Variants in PDE3B observed in about 807,000 individuals in gnomAD.
PDE3B encodes the protein phosphodiesterase 3B.
A neutral mutation model predicts 116.8 loss-of-function variants in PDE3B; 66 were observed. The observed-to-expected ratio is 0.56, with a 90% CI of 0.46 to 0.69. PDE3B has a LOEUF of 0.69. PDE3B is among the 30% of genes least tolerant of loss of function. PDE3B has a pLI of 0.00. For missense variants in PDE3B, 1,384 were observed against 1,368.1 expected (o/e 1.01, Z -0.18); for synonymous variants, 595 against 533.6 (o/e 1.12, Z -1.59).
chr11:14,843,924 T>A lies in PDE3B; in HGVS notation c.2418T>A (p.Ile806=). The A allele has an allele frequency of 6.2e-7, 1 of 1,614,080 alleles. No individual in the cohort carries two copies. Among genetic ancestry groups the A allele is most frequent in the Non-Finnish European group, 8.5e-7 (1 of 1,179,936 alleles). ...GTTATGGCTGCCTGTCTTCAAACAT[T>A]CCTGCATTAGAATTGATGGCTCTAT... ...DESYGCLSSN[I]PALELMALYV... The change falls in exon 12 of 16, where the codon ATT becomes ATA. Residue 806 remains isoleucine (I), a synonymous_variant. Transcript: ENST00000282096.
At chr11:14,838,338 C>G (rs1261541960) in intron 11 of PDE3B, among the ~76,000 whole-genome samples, 1 of 152,106 alleles carries the variant, frequency 6.6e-6, no homozygotes, top group Non-Finnish European at 1.5e-5. Context: ...AACCCAATGT[C>G]TGATCCTGAA....
the PDE3B span, chr11:14,892,163 C>G: frequency 6.2e-7 from 1 of 1,610,634 alleles, no homozygotes; most frequent in South Asian, 1.1e-5. Flanking sequence ...AGCGCGCCGC[C>G]GAGCGCCGCC....
chr11:14,827,871 A>G (rs1452922882), intron 7 of PDE3B, among the ~76,000 whole-genome samples: 1 of 152,230 alleles, frequency 6.6e-6, no homozygotes, highest in Non-Finnish European at 1.5e-5. Flanking sequence ...AATCCTAAGC[A>G]AAAAGAACAA....
chr11:14,756,799 C>CTT (rs995432439), intron 1 of PDE3B, among the ~76,000 whole-genome samples: 6 of 78,308 alleles, frequency 7.7e-5, no homozygotes, highest in African/African-American at 2.3e-4. Context: ...ATTTTAAGTG[C>CTT]TTATTTTTTT....
intron 1 of PDE3B, among the ~76,000 whole-genome samples, chr11:14,714,214 A>G (rs181757073): frequency 6.6e-6 from 1 of 151,248 alleles, no homozygotes; most frequent in East Asian, 1.9e-4. Context: ...TAGTCAGAAA[A>G]AAAGACCGTA....
In PDE3B at chr11:14,847,084, T is replaced by C. The variant is rs182423752; in HGVS notation, c.2520+3058T>C. 2.6e-3 allele frequency among the ~76,000 whole-genome samples: 396 copies of C among 152,290 alleles called. 1 individual carries two copies. The highest frequency in any genetic ancestry group is 9.0e-3 in the African/African-American group (374 of 41,564). Reference sequence around the variant, plus strand: ...TCCTATTCCAAAATTGACCATATAGTTGGAAGTAAAGCTCTCCTCAGCAAA... The same window carrying C: ...TCCTATTCCAAAATTGACCATATAGCTGGAAGTAAAGCTCTCCTCAGCAAA... On this transcript the variant is annotated intron_variant, in intron 12 of 15. Coordinates refer to ENST00000282096, the MANE Select transcript of PDE3B (RefSeq NM_000922.4).
At chr11:14,770,449 T>C (rs939463708) in intron 1 of PDE3B, among the ~76,000 whole-genome samples, 1 of 151,540 alleles carries the variant, frequency 6.6e-6, no homozygotes, top group Non-Finnish European at 1.5e-5. Context: ...ATATCATGTA[T>C]AAAAGAAACT....
intron 1 of PDE3B, among the ~76,000 whole-genome samples, chr11:14,759,237 G>T (rs1197127941): frequency 4.6e-5 from 7 of 151,868 alleles, no homozygotes; most frequent in South Asian, 2.1e-4. Context: ...TCTCTTTTTT[G>T]GTTGTGTCTC....
chr11:14,762,774 C>A (rs1857396279), intron 1 of PDE3B, among the ~76,000 whole-genome samples: 1 of 152,092 alleles, frequency 6.6e-6, no homozygotes, highest in Admixed American at 6.6e-5. Flanking sequence ...ATATTCTGTA[C>A]ATATTATGAA....
At chr11:14,805,423 A>T (rs554577629) in intron 5 of PDE3B, among the ~76,000 whole-genome samples, 16 of 152,102 alleles carry the variant, frequency 1.1e-4, no homozygotes, top group Non-Finnish European at 2.1e-4. Flanking sequence ...AGGAATAAAA[A>T]TTTTTTTTAG....
chr11:14,843,825 A>G lies in PDE3B; in HGVS notation c.2321-2A>G. On this transcript the variant is annotated splice_acceptor_variant, in intron 11 of 15. Transcript: ENST00000282096. LOFTEE classifies it high-confidence loss of function. ...TTTATTTTGCTATTTATTGTTTCTC[A>G]GATTCTGATGGTAGAATTAACCATG... 6.2e-7 allele frequency: 1 copy of G among 1,611,878 alleles called. No homozygotes were observed. Among genetic ancestry groups the G allele is most frequent in the Non-Finnish European group, 8.5e-7 (1 of 1,177,968 alleles).
Position 14,869,615 on chromosome 11 carries a change from A to G in PDE3B, c.3294A>G (p.Gln1098=), listed in dbSNP as rs782267227. ...KLQVENSSLP[Q]ADEIQVIEEA... is the part of the protein sequence containing the mutation. ...AGGTGGAGAATTCCTCCTTACCTCA[A>G]GCAGATGAGATTCAGGTAATTGAAG... The change falls in exon 16 of 16, where the codon CAA becomes CAG. Residue 1098 remains glutamine, a synonymous_variant. Coordinates refer to ENST00000282096, the MANE Select transcript of PDE3B (RefSeq NM_000922.4). 5 of 1,613,980 alleles carry G rather than the reference A, an allele frequency of 3.1e-6. No individual in the cohort carries two copies. Among genetic ancestry groups the G allele is most frequent in the Non-Finnish European group, 4.2e-6 (5 of 1,179,962 alleles).
At position 14,846,404 on chromosome 11, in the gene PDE3B, A is replaced by G. The variant is rs1013594305; in HGVS notation, c.2520+2378A>G. Among the ~76,000 whole-genome samples the G allele has an allele frequency of 2.9e-3, 441 of 151,790 alleles. 4 individuals are homozygous for G. Among genetic ancestry groups the G allele is most frequent in the African/African-American group, 8.3e-3 (345 of 41,342 alleles). On this transcript the variant is annotated intron_variant, in intron 12 of 15. Transcript: ENST00000282096. ...AAAATCATGCCAAATTGTAAAGACC[A>G]TCGAGGCTAGGAAGAAACTGCATCA...
intron 12 of PDE3B, among the ~76,000 whole-genome samples, chr11:14,852,786 C>T (rs1217391613): frequency 3.3e-5 from 5 of 152,072 alleles, no homozygotes; most frequent in African/African-American, 9.7e-5. Context: ...TTTTGCCAGG[C>T]GCTGTGGCTC....
chr11:14,863,263 T>G, intron 14 of PDE3B, among the ~76,000 whole-genome samples: 1 of 152,220 alleles, frequency 6.6e-6, no homozygotes, highest in East Asian at 1.9e-4. Context: ...TGCCACATTT[T>G]CTTTATCCAG....
At chr11:14,807,444 C>G (rs117772066) in intron 5 of PDE3B, among the ~76,000 whole-genome samples, 2,562 of 151,808 alleles carry the variant, frequency 0.017, 38 homozygotes, top group Non-Finnish European at 0.028. Context: ...AGCTAATATT[C>G]AAAGATGAAC....
intron 1 of PDE3B, among the ~76,000 whole-genome samples, chr11:14,645,862 G>T (rs1202973687): frequency 7.2e-5 from 11 of 151,884 alleles, no homozygotes; most frequent in Non-Finnish European, 2.9e-5. Flanking sequence ...ACATCACCAA[G>T]AAACTTAATA....
chr11:14,669,839 T>C lies in PDE3B; in HGVS notation c.978+24786T>C, dbSNP rs1390771506. On this transcript the variant is annotated intron_variant, in intron 1 of 15. Transcript: ENST00000282096. ...TAGAGGAGTATTGAAATAAAGAGTA[T>C]GTTGAGAAAATGGAAAATATTTCAG... Among the ~76,000 whole-genome samples, 3 of 152,046 alleles carry C rather than the reference T, an allele frequency of 2.0e-5. No homozygotes were observed. In the East Asian group the frequency reaches 5.8e-4, roughly 29 times the overall value.
intron 1 of PDE3B, among the ~76,000 whole-genome samples, chr11:14,736,583 T>C (rs1856607426): frequency 6.6e-6 from 1 of 152,206 alleles, no homozygotes. Context: ...AAGTACTTGA[T>C]TGATTGTTCA....
Sources: gnomAD v4.1 joint callset for allele counts (sites outside exome capture counted in the v4.1 genomes callset) on GRCh38, gnomAD v4.1.1 for gene constraint, MANE v1.5 for transcripts, NCBI Gene and HGNC (gene_info 2026-07-23, HGNC 2026-07-21) for gene names.